The following ADGRE2 variants were observed in gnomAD, a reference collection of about 807,000 sequenced individuals.
The protein encoded by ADGRE2 is CD97 antigen.
Under a neutral mutation model 100.8 loss-of-function variants are expected in ADGRE2, and 83 were observed. The ratio of observed to expected loss-of-function variants is 0.82; its 90% CI spans 0.69 to 0.99. The LOEUF (loss-of-function observed/expected upper bound fraction) is 0.99. ADGRE2 is among the 50% of genes least tolerant of loss of function. The pLI is 0.00. For synonymous variants in ADGRE2, 355 were observed against 413.0 expected (o/e 0.86, Z 1.70); for missense variants, 814 against 1,035.7 (o/e 0.79, Z 2.94).
At chr19:14,754,583 G>A (rs1348787527) in intron 14 of ADGRE2, among the ~76,000 whole-genome samples, 1 of 152,092 alleles carries the variant, frequency 6.6e-6, no homozygotes, top group Non-Finnish European at 1.5e-5. Flanking sequence ...CCTCCAGATA[G>A]GAATGCTAGA....
At position 14,772,394 on chromosome 19, in the gene ADGRE2, C is replaced by G. The variant is rs1383522305; in HGVS notation, c.303G>C (p.Glu101Asp). 1 of 1,614,062 alleles carries G rather than the reference C, an allele frequency of 6.2e-7. No homozygotes were observed. The change falls in exon 5 of 21, where the codon GAG becomes GAC. Residue 101 changes from glutamate to aspartate, a missense_variant. Physicochemically the swap from Glu to Asp is conservative, Grantham distance 45. Around this residue, in one of 5 missense-constraint regions of ADGRE2, gnomAD observed 143 missense variants for 160.3 expected, o/e 0.89. Transcript: ENST00000315576. Reference sequence around the variant, plus strand: ...TGAATGTTTTTGCCCCAGAAACAGGCTCATATCCTGGGCTGCACACGCAGT... The same window carrying G: ...TGAATGTTTTTGCCCCAGAAACAGGGTCATATCCTGGGCTGCACACGCAGT... Reference protein sequence around the residue: ...SYDCVCSPGYEPVSGAKTFKN... With the variant: ...SYDCVCSPGYDPVSGAKTFKN...
intron 11 of ADGRE2, among the ~76,000 whole-genome samples, chr19:14,759,504 T>TATATATATATATATATATATATATA (rs1555786067): frequency 2.8e-5 from 2 of 70,954 alleles, no homozygotes; most frequent in African/African-American, 8.9e-5. Context: ...TATATATATA[T>TATATATATATATATATATATATATA]TTTTTTTTTT....
At chr19:14,737,446 A>T (rs2042789956) in intron 20 of ADGRE2, among the ~76,000 whole-genome samples, 1 of 152,078 alleles carries the variant, frequency 6.6e-6, no homozygotes, top group Non-Finnish European at 1.5e-5. Context: ...CTCCCATCTC[A>T]ACCTCCCAAA....
rs931605009 is a variant in ADGRE2, at chr19:14,765,669, G to A, written c.770C>T (p.Thr257Ile). 6.8e-6 allele frequency: 11 copies of A among 1,610,362 alleles called. No individual in the cohort carries two copies. The African/African-American group carries it at 8.0e-5, about 12-fold the overall frequency. Residue 257 changes from threonine (T) to isoleucine (I), a missense_variant, in exon 8 of 21, where the codon ACT becomes ATT. Coordinates refer to ENST00000315576, the MANE Select transcript of ADGRE2 (RefSeq NM_013447.4). ...RHGIPNNQKD[T>I]VCEDMTFSTW... ...GGGCCAGGTCATACCTTCACAGACA[G>A]TGTCCTTTTGGTTATTCGGGATTCC...
chr19:14,760,226 AATG>A (rs1350162687), intron 11 of ADGRE2, among the ~76,000 whole-genome samples: 1 of 152,196 alleles, frequency 6.6e-6, no homozygotes, highest in African/African-American at 2.4e-5. Context: ...AACACATACA[AATG>A]ATAAGTACTC....
rs1197723368 is a variant in ADGRE2, at chr19:14,752,362, G to A, written c.1755C>T (p.Leu585=). The change falls in exon 15 of 21, where the codon CTC becomes CTT. Residue 585 remains leucine (L), a synonymous_variant. Coordinates refer to ENST00000315576, the MANE Select transcript of ADGRE2 (RefSeq NM_013447.4). The part of the protein sequence containing the change: ...LSLCLFLAHL[L]FLVAIDQTGH... ...CGGTTTGATCAATTGCCACGAGGAA[G>A]AGGAGGTGGGCCAGGAAGAGGCAGA... The A allele has an allele frequency of 6.2e-6, 10 of 1,612,096 alleles. No individual in the cohort carries two copies. The highest frequency in any genetic ancestry group is 8.5e-6 in the Non-Finnish European group (10 of 1,180,032).
downstream of ADGRE2, among the ~76,000 whole-genome samples, chr19:14,729,275 G>A (rs1447065549): frequency 1.3e-5 from 2 of 152,166 alleles, no homozygotes; most frequent in Non-Finnish European, 2.9e-5. Context: ...ACTGCCCTAT[G>A]CACTGAAGAC....
the ADGRE2 span, among the ~76,000 whole-genome samples, chr19:14,725,821 T>C: frequency 6.6e-6 from 1 of 152,004 alleles, no homozygotes; most frequent in Non-Finnish European, 1.5e-5. Context: ...CTCTTATGGG[T>C]TGGAGTTGAG....
At position 14,756,225 on chromosome 19, in the gene ADGRE2, T is replaced by C. The variant is rs756926654; in HGVS notation, c.1192+13A>G. Reference sequence around the variant, plus strand: ...TGAAGCTTCACTGACCACCTCCCCATCTCAGCCATTACCTGGGTCACCAGA... The same window carrying C: ...TGAAGCTTCACTGACCACCTCCCCACCTCAGCCATTACCTGGGTCACCAGA... On this transcript the variant is annotated intron_variant, in intron 12 of 20. Coordinates refer to ENST00000315576, the MANE Select transcript of ADGRE2 (RefSeq NM_013447.4). The C allele has an allele frequency of 6.3e-7, 1 of 1,581,396 alleles. No homozygotes were observed. Among genetic ancestry groups the C allele is most frequent in the African/African-American group, 1.3e-5 (1 of 74,376 alleles).
intron 11 of ADGRE2, 40 bp from the exon 12 acceptor site, chr19:14,756,385 G>C: frequency 7.2e-7 from 1 of 1,387,946 alleles, no homozygotes; most frequent in Non-Finnish European, 1.0e-6. Context: ...GTTAGGTTAG[G>C]AATCGTGCCT....
At chr19:14,743,176 T>C (rs1169490048) in intron 20 of ADGRE2, among the ~76,000 whole-genome samples, 2 of 152,096 alleles carry the variant, frequency 1.3e-5, no homozygotes, top group Non-Finnish European at 2.9e-5. Flanking sequence ...TGGCCTCAGG[T>C]GATCCTCTTG....
chr19:14,732,007 A>C (rs2042675716), downstream of ADGRE2: 2 of 152,186 alleles, frequency 1.3e-5, no homozygotes, highest in South Asian at 4.1e-4. Context: ...CACAGAGTCC[A>C]TTGCACTGCA....
At chr19:14,768,511 A>AC (rs1431053728) in intron 5 of ADGRE2, among the ~76,000 whole-genome samples, 2 of 152,140 alleles carry the variant, frequency 1.3e-5, no homozygotes, top group African/African-American at 2.4e-5. Flanking sequence ...TTGGCATTCC[A>AC]CCAGGGACAC....
chr19:14,762,665 G>C (rs1298913048), intron 11 of ADGRE2, among the ~76,000 whole-genome samples: 2 of 151,492 alleles, frequency 1.3e-5, no homozygotes, highest in Non-Finnish European at 2.9e-5. Flanking sequence ...TGTTTGAGAT[G>C]GAGTGGCACT....
intron 5 of ADGRE2, 122 bp downstream of exon 5, chr19:14,772,220 C>T: frequency 7.2e-7 from 1 of 1,383,072 alleles, no homozygotes; most frequent in Non-Finnish European, 1.0e-6. Context: ...ACACCTGTCT[C>T]ATCTCAGACT....
In ADGRE2 at chr19:14,773,922, C is replaced by T. The variant is rs772757943; in HGVS notation, c.199+16G>A. 5 of 1,611,750 alleles carry T rather than the reference C, an allele frequency of 3.1e-6. No individual in the cohort carries two copies. The highest frequency in any genetic ancestry group is 3.3e-5 in the Admixed American group (2 of 60,016). On this transcript the variant is annotated intron_variant, in intron 4 of 20. Coordinates refer to ENST00000315576, the MANE Select transcript of ADGRE2 (RefSeq NM_013447.4). ...TAATCGCAGATGTCCCCTGCGCTGC[C>T]CTCAAGCCTCTGTACCGTCACAAGT...
chr19:14,766,814 C>T (rs997802022), intron 6 of ADGRE2, among the ~76,000 whole-genome samples, 164 bp downstream of exon 6: 6 of 152,200 alleles, frequency 3.9e-5, no homozygotes, highest in African/African-American at 9.7e-5. Flanking sequence ...TGCCGTGTGG[C>T]GAGTCCTTCC....
chr19:14,750,539 G>A (rs1273736434), intron 16 of ADGRE2, among the ~76,000 whole-genome samples: 5 of 151,562 alleles, frequency 3.3e-5, no homozygotes, highest in Non-Finnish European at 5.9e-5. Flanking sequence ...AGTCAACAGT[G>A]TCCTGGAGGT....
At position 14,767,101 on chromosome 19, in the gene ADGRE2, C is replaced by T. The variant is rs200783500; in HGVS notation, c.364G>A (p.Glu122Lys). 208 of 1,600,734 alleles carry T rather than the reference C, an allele frequency of 1.3e-4. No individual in the cohort carries two copies. The highest frequency in any genetic ancestry group is 4.5e-4 in the East Asian group (20 of 44,268). Residue 122 changes from glutamate to lysine, a missense_variant, in exon 6 of 21, where the codon GAA becomes AAA. Physicochemically the swap from Glu to Lys is moderately conservative, Grantham distance 56 (BLOSUM62 1). Transcript: ENST00000315576. ...ESENTCQDVDECQQNPRLCKS... is the reference protein window; with the variant it reads ...ESENTCQDVDKCQQNPRLCKS... ...CAGAGCCTTGGGTTCTGCTGACATT[C>T]GTCCACATCTGCAAGAGGAAGGAGA... is the stretch of plus-strand genomic sequence containing the variant.
Sources: allele counts gnomAD v4.1 joint callset (sites outside exome capture counted in the v4.1 genomes callset), GRCh38; gene constraint gnomAD v4.1.1; regional missense constraint gnomAD v4.1.1; transcripts MANE v1.5; gene names NCBI Gene and HGNC (gene_info 2026-07-23, HGNC 2026-07-21).